ETFA: variants seen among roughly 807,000 people sequenced by gnomAD.
The protein encoded by ETFA is electron transfer flavoprotein subunit alpha, mitochondrial.
In ETFA, 22 loss-of-function variants were observed where a neutral mutation model predicts 46.2. The ratio of observed to expected loss-of-function variants is 0.48; its 90% CI spans 0.34 to 0.68. The LOEUF is 0.68. Among genes scored for constraint, ETFA ranks in the 30% least tolerant of loss-of-function variants. The pLI is 0.01. For missense variants in ETFA, 345 were observed against 401.1 expected (o/e 0.86, Z 1.19); for synonymous variants, 131 against 139.9 (o/e 0.94, Z 0.45).
At chr15:76,226,987 G>A (rs1173075674) in intron 10 of ETFA, among the ~76,000 whole-genome samples, 4 of 152,178 alleles carry the variant, frequency 2.6e-5, no homozygotes, top group Non-Finnish European at 4.4e-5. Flanking sequence ...CTGTTAGTAA[G>A]GGACGTTAAA....
intron 8 of ETFA, among the ~76,000 whole-genome samples, chr15:76,277,329 A>C (rs2039602771): frequency 6.6e-6 from 1 of 152,156 alleles, no homozygotes; most frequent in Non-Finnish European, 1.5e-5. Flanking sequence ...CTTGTTAAGA[A>C]GAACAGAATG....
At chr15:76,228,185 GTTA>G (rs1356337589) in intron 10 of ETFA, 1 of 356,452 alleles carries the variant, frequency 2.8e-6, no homozygotes, top group Admixed American at 3.8e-5. Flanking sequence ...TATAACAATT[GTTA>G]TTATCATTAT....
intron 9 of ETFA, chr15:76,259,513 C>T (rs1365984572): frequency 2.4e-6 from 2 of 830,678 alleles, no homozygotes; most frequent in Non-Finnish European, 4.3e-6. Flanking sequence ...TTTTCGATGC[C>T]AGCGTATGGT....
At chr15:76,256,544 A>G (rs2039347620) in intron 9 of ETFA, among the ~76,000 whole-genome samples, 1 of 152,246 alleles carries the variant, frequency 6.6e-6, no homozygotes. Flanking sequence ...GACCTCATCA[A>G]TTCTGAGATA....
chr15:76,224,730 C>T (rs909772352), intron 11 of ETFA, among the ~76,000 whole-genome samples: 2 of 152,178 alleles, frequency 1.3e-5, no homozygotes, highest in African/African-American at 4.8e-5. Context: ...CCAGCAAACC[C>T]ACTTCTCCTA....
rs2039995773 is a variant in ETFA at position 76,311,341 on chromosome 15, C to T, written c.39+9G>A. ...CGTCCCTGGGTTCGCCTTCCCAGTC[C>T]GGACTCACCGCCCGCCGGAGCTGCC... On this transcript the variant is annotated intron_variant, in intron 1 of 11. Transcript: ENST00000557943. 3 of 1,556,264 alleles carry T rather than the reference C, an allele frequency of 1.9e-6. No homozygotes were observed. The East Asian group carries it at 7.2e-5, about 37-fold the overall frequency.
At chr15:76,220,169 T>C (rs1209069518) in intron 11 of ETFA, among the ~76,000 whole-genome samples, 3 of 152,210 alleles carry the variant, frequency 2.0e-5, no homozygotes, top group African/African-American at 7.2e-5. Context: ...CAAGTTCAAA[T>C]GATTCTTCCA....
intron 9 of ETFA, among the ~76,000 whole-genome samples, chr15:76,240,248 A>G (rs542017757): frequency 2.6e-5 from 4 of 152,306 alleles, no homozygotes; most frequent in East Asian, 3.9e-4. Flanking sequence ...GCCTCTGAAG[A>G]TTTTTCACAT....
intron 9 of ETFA, 24 bp from the exon 10 acceptor site, chr15:76,231,422 T>C (rs758724657): frequency 6.4e-6 from 9 of 1,403,164 alleles, no homozygotes; most frequent in Non-Finnish European, 9.0e-6. Context: ...GGTCACATTA[T>C]TAATATGTAT....
chr15:76,276,636 T>G (rs55794488), intron 8 of ETFA, among the ~76,000 whole-genome samples: 46,505 of 151,676 alleles, frequency 0.31, 7,438 homozygotes, highest in East Asian at 0.58. Flanking sequence ...TGTTGTTGTT[T>G]TTTTCTTTTT....
intron 9 of ETFA, among the ~76,000 whole-genome samples, chr15:76,250,620 T>C (rs532507766): frequency 6.6e-6 from 1 of 152,000 alleles, no homozygotes; most frequent in African/African-American, 2.4e-5. Flanking sequence ...GCAGCCTTGA[T>C]CTCCCTGGCT....
intron 11 of ETFA, among the ~76,000 whole-genome samples, chr15:76,218,850 CAG>C (rs1179943628): frequency 2.6e-5 from 4 of 152,148 alleles, no homozygotes; most frequent in Non-Finnish European, 5.9e-5. Flanking sequence ...CTAAGGGAAA[CAG>C]AGAAGCTCTC....
intron 1 of ETFA, among the ~76,000 whole-genome samples, chr15:76,304,661 CAAAAAA>C (rs796277864): frequency 8.0e-5 from 7 of 87,116 alleles, no homozygotes; most frequent in African/African-American, 2.4e-4. Flanking sequence ...GACTCTATTT[CAAAAAA>C]AAAAAAAAAA....
At chr15:76,274,550 G>A in intron 8 of ETFA, 56 bp from the exon 9 acceptor site, 1 of 1,256,820 alleles carries the variant, frequency 8.0e-7, no homozygotes, top group South Asian at 1.3e-5. Context: ...AGCTAGTTAG[G>A]ATATTCACTG....
chr15:76,223,780 T>C (rs901993053), intron 11 of ETFA, among the ~76,000 whole-genome samples: 52 of 152,348 alleles, frequency 3.4e-4, no homozygotes, highest in Non-Finnish European at 4.4e-4. Flanking sequence ...CATAGTCTCA[T>C]GCCAAACCTT....
intron 1 of ETFA, among the ~76,000 whole-genome samples, chr15:76,299,782 C>T (rs1471329957): frequency 1.3e-5 from 2 of 152,186 alleles, no homozygotes; most frequent in African/African-American, 4.8e-5. Flanking sequence ...GATCCTTTCT[C>T]CTGGGTCTAA....
At chr15:76,252,723 A>G (rs1052204684) in intron 9 of ETFA, among the ~76,000 whole-genome samples, 2 of 152,230 alleles carry the variant, frequency 1.3e-5, no homozygotes, top group African/African-American at 4.8e-5. Flanking sequence ...AATTGGAATC[A>G]GAATATGAAC....
chr15:76,230,328 G>A (rs1314718698), intron 10 of ETFA: 1 of 61,214 alleles, frequency 1.6e-5, no homozygotes, highest in Non-Finnish European at 3.3e-5. Flanking sequence ...CCGGGTTCAC[G>A]CCATTCTCCT....
Position 76,216,600 on chromosome 15 carries a change from G to A in ETFA, c.964-3C>T. The A allele has an allele frequency of 6.3e-7, 1 of 1,581,176 alleles. No homozygotes were observed. Among genetic ancestry groups the A allele is most frequent in the Non-Finnish European group, 8.7e-7 (1 of 1,150,102 alleles). ...ATCTCAGTCATTTCAGGAACTACCT[G>A]CAAATAAAAACAAAAAGTAATTAAG... On this transcript the variant is annotated splice_polypyrimidine_tract_variant and splice_region_variant and intron_variant, in intron 11 of 11. Coordinates refer to ENST00000557943, the MANE Select transcript of ETFA (RefSeq NM_000126.4).
Sources: gnomAD v4.1 joint callset for allele counts (sites outside exome capture counted in the v4.1 genomes callset) on GRCh38, gnomAD v4.1.1 for gene constraint, MANE v1.5 for transcripts, NCBI Gene and HGNC (gene_info 2026-07-23, HGNC 2026-07-21) for gene names.